TTC1: variants seen among roughly 807,000 people sequenced by gnomAD.
TTC1 encodes tetratricopeptide repeat domain 1.
In TTC1, 31 loss-of-function variants were observed where a neutral mutation model predicts 37.6. The ratio of observed to expected loss-of-function variants is 0.82; its 90% CI spans 0.62 to 1.11. TTC1 has a LOEUF of 1.11. TTC1 is among the 50% of genes most tolerant of loss of function. The probability of loss-of-function intolerance (pLI) is 0.00; values close to 1 mark genes in which losing one functional copy is unlikely to be tolerated. For synonymous variants in TTC1, 127 were observed against 122.4 expected (o/e 1.04, Z -0.25); for missense variants, 351 against 339.0 (o/e 1.04, Z -0.28).
In TTC1 at chr5:160,030,090, A is replaced by G. The variant is rs149815536; in HGVS notation, c.331-5050A>G. On this transcript the variant is annotated intron_variant, in intron 2 of 7. Transcript: ENST00000231238. The stretch of plus-strand genomic sequence containing the variant: ...AATCTGTGAGGCAGAATTGAATTAC[A>G]AAATCAAAAGCAGTATGTACAGTCT... Among the ~76,000 whole-genome samples the G allele has an allele frequency of 6.6e-5, 10 of 152,364 alleles. No homozygotes were observed. In the East Asian group the frequency reaches 1.9e-3, roughly 29 times the overall value.
intron 2 of TTC1, among the ~76,000 whole-genome samples, chr5:160,025,960 A>G (rs1418375168): frequency 6.6e-6 from 1 of 152,228 alleles, no homozygotes; most frequent in African/African-American, 2.4e-5. Context: ...AAGTGGGATC[A>G]TAAGGATTAA....
At chr5:160,058,451 C>T (rs954158338) in intron 7 of TTC1, among the ~76,000 whole-genome samples, 22 of 148,596 alleles carry the variant, frequency 1.5e-4, no homozygotes, top group South Asian at 6.5e-4. Flanking sequence ...CGCTGTGTCG[C>T]CCAGGCTGGA....
At chr5:160,053,756 T>G (rs780324646) in intron 7 of TTC1, among the ~76,000 whole-genome samples, 2 of 152,170 alleles carry the variant, frequency 1.3e-5, no homozygotes, top group African/African-American at 2.4e-5. Context: ...TCACCTTGAG[T>G]AGTACAAAAT....
rs2113432534 is a variant in TTC1 at position 160,065,213 on chromosome 5, C to A, written c.*148C>A. On this transcript the variant is annotated 3_prime_UTR_variant, in exon 8 of 8. Coordinates refer to ENST00000231238, the MANE Select transcript of TTC1 (RefSeq NM_003314.3). ...TAGAGCCCAGTGCTCCCTTGTCCCTCTTTTATGATCAGGGTGAAATGTACT... is the reference window on the plus strand; with the variant it reads ...TAGAGCCCAGTGCTCCCTTGTCCCTATTTTATGATCAGGGTGAAATGTACT... 2 of 1,086,458 alleles carry A rather than the reference C, an allele frequency of 1.8e-6. No individual in the cohort carries two copies. The highest frequency in any genetic ancestry group is 5.1e-5 in the East Asian group (2 of 39,532). 67.3% of individuals were successfully genotyped at this position (1,086,458 alleles called of 1,614,324 possible).
chr5:160,049,193 T>A (rs1757336477), intron 5 of TTC1, among the ~76,000 whole-genome samples: 1 of 152,244 alleles, frequency 6.6e-6, no homozygotes, highest in South Asian at 2.1e-4. Flanking sequence ...GTGAAAATTA[T>A]GTGAACTTAA....
At chr5:160,051,206 T>C (rs776321499) in intron 7 of TTC1, 23 bp downstream of exon 7, 1 of 1,598,182 alleles carries the variant, frequency 6.3e-7, no homozygotes. Flanking sequence ...CTTACTTTGC[T>C]TGATCATAAA....
intron 2 of TTC1, among the ~76,000 whole-genome samples, chr5:160,018,648 T>C (rs1259212885): frequency 6.6e-6 from 1 of 152,144 alleles, no homozygotes; most frequent in East Asian, 1.9e-4. Context: ...GAACTTGAAG[T>C]TTTTTCCAAG....
At position 160,017,290 on chromosome 5, in the gene TTC1, C is replaced by T. The variant is rs903367954; in HGVS notation, c.330+6432C>T. 3.3e-4 allele frequency among the ~76,000 whole-genome samples: 51 copies of T among 152,248 alleles called. 1 individual carries two copies. Among genetic ancestry groups the T allele is most frequent in the East Asian group, 1.2e-3 (6 of 5,184 alleles). On this transcript the variant is annotated intron_variant, in intron 2 of 7. Transcript: ENST00000231238. ...TTATAAATAATAGAAATTTATTGCT[C>T]ATAATTCTGGAGGCTGAGAAGTCCA...
chr5:160,025,744 G>GTTGTT (rs888913832), intron 2 of TTC1, among the ~76,000 whole-genome samples: 5 of 152,228 alleles, frequency 3.3e-5, no homozygotes, highest in African/African-American at 7.2e-5. Context: ...GATGAACTTT[G>GTTGTT]TTGTTTTGTT....
At position 160,065,019 on chromosome 5, in the gene TTC1, G is replaced by T. The variant is rs1194892307; in HGVS notation, c.833G>T (p.Gly278Val). The change falls in exon 8 of 8, where the codon GGC (glycine) becomes GTC (valine). Residue 278 changes from glycine (G) to valine (V), a missense_variant. Coordinates refer to ENST00000231238, the MANE Select transcript of TTC1 (RefSeq NM_003314.3). Reference protein sequence around the residue: ...NFQIKQDSSTGSYSINFVQNP... With the variant: ...NFQIKQDSSTVSYSINFVQNP... ...CAGATCAAACAGGATTCCTCTACCG[G>T]CTCGTACTCCATCAATTTCGTTCAA... The T allele has an allele frequency of 6.2e-7, 1 of 1,613,484 alleles. No homozygotes were observed.
chr5:160,009,673 A>G (rs1756459748), intron 1 of TTC1, among the ~76,000 whole-genome samples: 1 of 152,136 alleles, frequency 6.6e-6, no homozygotes, highest in Non-Finnish European at 1.5e-5. Context: ...TCAGGGTCTG[A>G]GCAGTGGTAT....
intron 2 of TTC1, among the ~76,000 whole-genome samples, chr5:160,015,000 A>G (rs180990900): frequency 1.3e-5 from 2 of 152,194 alleles, no homozygotes; most frequent in Admixed American, 1.3e-4. Context: ...TTTTTTTGTT[A>G]TTCTTAATGT....
chr5:160,015,499 G>A (rs564447818), intron 2 of TTC1, among the ~76,000 whole-genome samples: 11 of 152,234 alleles, frequency 7.2e-5, no homozygotes, highest in Middle Eastern at 6.8e-3. Context: ...GAGCTGCTGC[G>A]CCTGGCCTAT....
intron 2 of TTC1, among the ~76,000 whole-genome samples, chr5:160,019,719 GGGCTACA>G (rs1432782663): frequency 6.6e-6 from 1 of 151,308 alleles, no homozygotes; most frequent in Non-Finnish European, 1.5e-5. Flanking sequence ...CGAGTAGCTG[GGGCTACA>G]GGCGTGTGCC....
chr5:160,051,500 A>G (rs1439625033), intron 7 of TTC1, among the ~76,000 whole-genome samples: 1 of 152,238 alleles, frequency 6.6e-6, no homozygotes, highest in East Asian at 1.9e-4. Flanking sequence ...GATTTCAGAT[A>G]ACAATTACAT....
chr5:160,054,667 AAGT>A (rs1457473741), intron 7 of TTC1, among the ~76,000 whole-genome samples: 3 of 152,176 alleles, frequency 2.0e-5, no homozygotes, highest in Non-Finnish European at 4.4e-5. Context: ...GAAAAAAAAA[AAGT>A]AGCGTTTTAT....
chr5:160,038,031 A>G (rs956259954), intron 4 of TTC1, among the ~76,000 whole-genome samples: 2 of 151,674 alleles, frequency 1.3e-5, no homozygotes, highest in Non-Finnish European at 2.9e-5. Context: ...TAAAGGCCCC[A>G]GGGCAGGGTT....
At chr5:160,029,084 A>C (rs916885839) in intron 2 of TTC1, among the ~76,000 whole-genome samples, 1 of 152,120 alleles carries the variant, frequency 6.6e-6, no homozygotes, top group African/African-American at 2.4e-5. Flanking sequence ...TAATTTTGGA[A>C]CTCTTGTTTC....
chr5:160,029,624 C>T (rs1350576129), intron 2 of TTC1, among the ~76,000 whole-genome samples: 1 of 151,828 alleles, frequency 6.6e-6, no homozygotes, highest in Non-Finnish European at 1.5e-5. Flanking sequence ...GGTAGTAAAG[C>T]GAGACCCTGA....
Sources: gnomAD v4.1 joint callset for allele counts (sites outside exome capture counted in the v4.1 genomes callset) on GRCh38, gnomAD v4.1.1 for gene constraint, MANE v1.5 for transcripts, NCBI Gene and HGNC (gene_info 2026-07-23, HGNC 2026-07-21) for gene names.